MYO15B: variants seen among roughly 807,000 people sequenced by gnomAD.
MYO15B encodes the protein myosin XVB.
A neutral mutation model predicts 119.3 loss-of-function variants in MYO15B; 207 were observed. That is an observed-to-expected ratio of 1.73 (90% confidence interval 1.55 to 1.95). The LOEUF (loss-of-function observed/expected upper bound fraction) is 1.95. Among genes scored for constraint, MYO15B ranks in the 30% most tolerant of loss-of-function variants. The probability of loss-of-function intolerance (pLI) is 0.00; values close to 1 mark genes in which losing one functional copy is unlikely to be tolerated. For missense variants in MYO15B, 2,264 were observed against 1,203.1 expected, an observed-to-expected ratio of 1.88 and a Z score of -13.04; for synonymous variants, 966 against 498.9, an observed-to-expected ratio of 1.94 and a Z score of -12.48.
chr17:75,590,193 C>T (rs2056344235), exon 1 of MYO15B: 1 of 399,114 alleles, frequency 2.5e-6, no homozygotes, highest in Admixed American at 4.4e-5. Flanking sequence ...GTGCCAAGGG[C>T]AGGAGCCTCG....
chr17:75,593,613 CAGAA>C (rs1348395595), intron 9 of MYO15B, among the ~76,000 whole-genome samples: 2,310 of 143,048 alleles, frequency 0.016, 61 homozygotes, highest in African/African-American at 0.053. Flanking sequence ...GACTCCGTCT[CAGAA>C]AAAAAAAAAA....
At chr17:75,624,006 G>T (rs750832167) in exon 55 of MYO15B, 1 of 702,876 alleles carries the variant, frequency 1.4e-6, no homozygotes, top group Non-Finnish European at 2.6e-6. Flanking sequence ...TCTTCCCCCC[G>T]TCGACCAGGC....
In MYO15B at chr17:75,621,997, C is replaced by A. The variant is rs772524604; in HGVS notation, c.8006-7C>A. The A allele has an allele frequency of 1.4e-6, 1 of 702,930 alleles. No homozygotes were observed. The highest frequency in any genetic ancestry group is 2.6e-6 in the Non-Finnish European group (1 of 384,972). 43.5% of individuals were successfully genotyped at this position (702,930 alleles called of 1,614,324 possible). A position where few individuals can be genotyped will look rare whatever the true frequency, so the allele number is the denominator to read the frequency against. On this transcript the variant is annotated splice_polypyrimidine_tract_variant and splice_region_variant and intron_variant, in intron 52 of 63. Transcript: ENST00000645453. ...GCTATGTGCCCTGTTTCTTATCGTG[C>A]CTGCAGCCCTGATGCGGTTTATGGG...
At chr17:75,594,350 T>C (rs997902918) in intron 9 of MYO15B, 125 bp from the exon 10 acceptor site, 2 of 537,948 alleles carry the variant, frequency 3.7e-6, no homozygotes, top group African/African-American at 1.9e-5. Flanking sequence ...GGCCCAGATC[T>C]CCTCATGTGA....
chr17:75,614,490 T>G, intron 30 of MYO15B, 93 bp from the exon 31 acceptor site: 1 of 415,736 alleles, frequency 2.4e-6, no homozygotes, highest in East Asian at 7.6e-5. Flanking sequence ...CTCCCAACCA[T>G]GGGGTGACCC....
chr17:75,595,271 C>T (rs1421776635), intron 12 of MYO15B, among the ~76,000 whole-genome samples: 2 of 152,194 alleles, frequency 1.3e-5, no homozygotes, highest in Admixed American at 1.3e-4. Flanking sequence ...TGCCCCTCAC[C>T]CCACACCCAC....
chr17:75,604,715 C>A (rs1362528954), intron 19 of MYO15B, among the ~76,000 whole-genome samples: 2 of 151,874 alleles, frequency 1.3e-5, no homozygotes, highest in Non-Finnish European at 2.9e-5. Context: ...AGCGCAGAGA[C>A]CCTCCCTGCC....
At position 75,589,248 on chromosome 17, in the gene MYO15B, T is replaced by C; in HGVS notation, c.1191T>C (p.Gly397=). 2.5e-6 allele frequency: 1 copy of C among 398,008 alleles called. No homozygotes were observed. Among genetic ancestry groups the C allele is most frequent in the East Asian group, 3.6e-5 (1 of 28,012 alleles). The allele number at this position is 398,008 out of a possible 1,614,324, so 24.7% of individuals were successfully genotyped here. The change falls in exon 1 of 64, where the codon GGT becomes GGC. Residue 397 remains glycine, a synonymous_variant. Coordinates refer to ENST00000645453, the Ensembl canonical transcript of MYO15B. The surrounding 1 kb of genome is among the most constrained non-coding windows in gnomAD (Gnocchi z 4.2). The stretch of plus-strand genomic sequence containing the variant: ...GGCCGCCAGAGGGCGAGGGGCAGGG[T>C]ACCGGGCCACGGGCGAGCGAGGGGT...
intron 21 of MYO15B, chr17:75,606,799 ATGT>A: frequency 2.6e-6 from 1 of 391,030 alleles, no homozygotes; most frequent in Non-Finnish European, 4.5e-6. Flanking sequence ...AGCATGAATC[ATGT>A]TGTTAAGGAC....
rs1195107670 is a variant in MYO15B at position 75,592,857 on chromosome 17, G to T, written c.2991+17G>T. Reference sequence around the variant, plus strand: ...TCCTCAGAGGTGGGCTTCCCCGTGGGCAGGGGCCATCTGGGGTGCTGGGTC... The same window carrying T: ...TCCTCAGAGGTGGGCTTCCCCGTGGTCAGGGGCCATCTGGGGTGCTGGGTC... On this transcript the variant is annotated intron_variant, in intron 9 of 63. Coordinates refer to ENST00000645453, the Ensembl canonical transcript of MYO15B. 2.9e-6 allele frequency: 2 copies of T among 698,414 alleles called. No homozygotes were observed. The highest frequency in any genetic ancestry group is 3.5e-5 in the African/African-American group (2 of 57,204). 43.3% of individuals were successfully genotyped at this position (698,414 alleles called of 1,614,324 possible).
chr17:75,620,597 C>G, exon 49 of MYO15B: 2 of 702,474 alleles, frequency 2.8e-6, no homozygotes, highest in Non-Finnish European at 5.2e-6. Context: ...AGCTGTCCAA[C>G]GGGGAACCAG....
In MYO15B at chr17:75,589,461, GCGGGGT is replaced by G. The variant is rs1370759085; in HGVS notation, c.1406_1411del (p.Arg469_Gly470del). 30 of 397,692 alleles carry G rather than the reference GCGGGGT, an allele frequency of 7.5e-5. No homozygotes were observed. The highest frequency in any genetic ancestry group is 1.2e-4 in the Non-Finnish European group (27 of 225,898). 24.6% of individuals were successfully genotyped at this position (397,692 alleles called of 1,614,324 possible). On this transcript the variant is annotated inframe_deletion, in exon 1 of 64. Coordinates refer to ENST00000645453, the Ensembl canonical transcript of MYO15B. The surrounding 1 kb of genome is among the most constrained non-coding windows in gnomAD (Gnocchi z 4.2). ...GGGGCTGCGGGAAAGCGGACGAGGG[GCGGGGT>G]CACGAGAGAGGTGACGAGGGCCGGG...
At chr17:75,598,898 G>C (rs926100338) in intron 14 of MYO15B, among the ~76,000 whole-genome samples, 2 of 152,104 alleles carry the variant, frequency 1.3e-5, no homozygotes, top group African/African-American at 4.8e-5. Context: ...TATGTTATGT[G>C]ACATGTACCA....
At position 75,592,494 on chromosome 17, in the gene MYO15B, GAGCGGCTC is replaced by G; in HGVS notation, c.2783_2790del (p.Glu928ValfsTer29). The G allele has an allele frequency of 1.6e-6, 1 of 608,256 alleles. No individual in the cohort carries two copies. The highest frequency in any genetic ancestry group is 2.7e-5 in the East Asian group (1 of 36,528). 37.7% of individuals were successfully genotyped at this position (608,256 alleles called of 1,614,324 possible). On this transcript the variant is annotated frameshift_variant, in exon 8 of 64. Coordinates refer to ENST00000645453, the Ensembl canonical transcript of MYO15B. LOFTEE classifies it high-confidence loss of function. ...GGCAGGGCTGGACTCCATAGAGCGG[GAGCGGCTC>G]TCCCTGCAGGGACCGGAGACTTACT...
At chr17:75,619,313 C>T (rs1162357318) in intron 44 of MYO15B, 45 bp from the exon 45 acceptor site, 21 of 702,208 alleles carry the variant, frequency 3.0e-5, no homozygotes, top group East Asian at 2.1e-4. Context: ...CTCTAGAGCC[C>T]CCTCTGTGTG....
At chr17:75,602,519 T>C (rs1276927655) in exon 16 of MYO15B, 1 of 702,366 alleles carries the variant, frequency 1.4e-6, no homozygotes, top group East Asian at 2.7e-5. Flanking sequence ...TCTTGCAGGT[T>C]CACAAGTTTT....
intron 60 of MYO15B, 103 bp downstream of exon 60, chr17:75,625,341 C>T (rs774242235): frequency 2.8e-5 from 18 of 639,918 alleles, no homozygotes; most frequent in East Asian, 8.2e-5. Flanking sequence ...CCAGGAGCAG[C>T]GGGGCCTGTG....
At position 75,594,685 on chromosome 17, in the gene MYO15B, C is replaced by A; in HGVS notation, c.3106-16C>A. ...TGCAGGCCTGACACACCAGCTGTGC[C>A]TCCTCTGCCCTCCAGGAGACGCCCT... On this transcript the variant is annotated splice_polypyrimidine_tract_variant and intron_variant, in intron 10 of 63. Transcript: ENST00000645453. The A allele has an allele frequency of 1.4e-6, 1 of 702,940 alleles. No homozygotes were observed. Among genetic ancestry groups the A allele is most frequent in the East Asian group, 2.7e-5 (1 of 37,296 alleles). 43.5% of individuals were successfully genotyped at this position (702,940 alleles called of 1,614,324 possible).
rs2148148431 is a variant in MYO15B, at chr17:75,623,948, G to A, written c.8157-1G>A. 4 of 703,002 alleles carry A rather than the reference G, an allele frequency of 5.7e-6. No individual in the cohort carries two copies. Among genetic ancestry groups the A allele is most frequent in the East Asian group, 5.4e-5 (2 of 37,286 alleles). 43.5% of individuals were successfully genotyped at this position (703,002 alleles called of 1,614,324 possible). On this transcript the variant is annotated splice_acceptor_variant, in intron 54 of 63. Coordinates refer to ENST00000645453, the Ensembl canonical transcript of MYO15B. LOFTEE classifies it high-confidence loss of function. ...TGAAGCCCGAGCGCTCTGCCCTGCA[G>A]GGAACACTGCACTCGAGGCTGGAGC...
Sources: gnomAD v4.1 joint callset for allele counts (sites outside exome capture counted in the v4.1 genomes callset) on GRCh38, gnomAD v4.1.1 for gene constraint, Gnocchi (gnomAD v3.1) non-coding constraint, MANE v1.5 for transcripts, NCBI Gene and HGNC (gene_info 2026-07-23, HGNC 2026-07-21) for gene names.